GLIPR2: variants seen among roughly 807,000 people sequenced by gnomAD.
GLIPR2 encodes GLI pathogenesis related 2, also known as Golgi-associated plant pathogenesis-related protein 1.
In GLIPR2, 21 loss-of-function variants were observed where a neutral mutation model predicts 20.4. The ratio of observed to expected loss-of-function variants is 1.03; its 90% confidence interval spans 0.73 to 1.48. GLIPR2 has a LOEUF of 1.48. Among genes scored for constraint, GLIPR2 ranks in the 40% most tolerant of loss-of-function variants. The pLI is 0.00. For synonymous variants in GLIPR2, 91 were observed against 80.5 expected (o/e 1.13, Z -0.70); for missense variants, 205 against 200.1 (o/e 1.02, Z -0.15).
At position 36,136,795 on chromosome 9, in the gene GLIPR2, A is replaced by G; in HGVS notation, c.13+4A>G. ...GAGCCGGCCATGGGCAAGTCAGGTG[A>G]GCCCGCGGGCTCGCCCGCTGCGGAA... is the stretch of plus-strand genomic sequence containing the variant. On this transcript the variant is annotated splice_donor_region_variant and intron_variant, in intron 1 of 4. Transcript: ENST00000377960. This position sits in a 1 kb window ranked among gnomAD's most constrained non-coding sequence, Gnocchi z 4.3. 1 of 1,300,490 alleles carries G rather than the reference A, an allele frequency of 7.7e-7. No homozygotes were observed. The highest frequency in any genetic ancestry group is 9.7e-7 in the Non-Finnish European group (1 of 1,027,174). 80.6% of individuals were successfully genotyped at this position (1,300,490 alleles called of 1,614,324 possible).
chr9:36,150,938 C>A lies in GLIPR2; in HGVS notation c.293C>A (p.Thr98Asn). ...KNYNFQQPGFTSGTGHFTAMV... is the reference protein window; with the variant it reads ...KNYNFQQPGFNSGTGHFTAMV... ...TATAACTTCCAGCAGCCTGGCTTCA[C>A]CTCGGGGACTGGTGAGTGGCAGGGT... Residue 98 changes from threonine to asparagine, a missense_variant, in exon 4 of 5, where the codon ACC (threonine) becomes AAC (asparagine). Thr to Asn is a moderately conservative substitution (Grantham distance 65, BLOSUM62 0). Transcript: ENST00000377960. 1 of 1,613,226 alleles carries A rather than the reference C, an allele frequency of 6.2e-7. No individual in the cohort carries two copies. The highest frequency in any genetic ancestry group is 1.1e-5 in the South Asian group (1 of 91,044).
At chr9:36,146,951 C>T (rs1292296214) in intron 1 of GLIPR2, among the ~76,000 whole-genome samples, 2 of 152,146 alleles carry the variant, frequency 1.3e-5, no homozygotes, top group Non-Finnish European at 2.9e-5. Flanking sequence ...AGGCACCGTC[C>T]TAGTGGGGAC....
At position 36,152,234 on chromosome 9, in the gene GLIPR2, G is replaced by T. The variant is rs150632849; in HGVS notation, c.304+1285G>T. On this transcript the variant is annotated intron_variant, in intron 4 of 4. Coordinates refer to ENST00000377960, the MANE Select transcript of GLIPR2 (RefSeq NM_022343.4). Reference sequence around the variant, plus strand: ...TGATTCTGGGGCAAGGATACCTAAGGGTGTGGGGAGGGAGCAGTAACAAGC... The same window carrying T: ...TGATTCTGGGGCAAGGATACCTAAGTGTGTGGGGAGGGAGCAGTAACAAGC... Among the ~76,000 whole-genome samples the T allele has an allele frequency of 2.1e-4, 32 of 152,288 alleles. No homozygotes were observed. The East Asian group carries it at 6.0e-3, about 29-fold the overall frequency.
intron 4 of GLIPR2, chr9:36,162,096 A>C: frequency 1.8e-6 from 1 of 545,014 alleles, no homozygotes; most frequent in Non-Finnish European, 2.9e-6. Context: ...AATCACTCGA[A>C]CCCAGGAGGT....
chr9:36,149,411 C>T (rs918394300), intron 3 of GLIPR2, among the ~76,000 whole-genome samples: 3 of 152,246 alleles, frequency 2.0e-5, no homozygotes, highest in Admixed American at 1.3e-4. Flanking sequence ...TCCTGTGCAA[C>T]GTGGTCCTTG....
At chr9:36,137,525 C>G (rs760055127) in intron 1 of GLIPR2, among the ~76,000 whole-genome samples, 2 of 152,202 alleles carry the variant, frequency 1.3e-5, no homozygotes, top group Non-Finnish European at 2.9e-5. Context: ...CAACTCTCAG[C>G]CTGAAAATCC....
rs1826136576 is a variant in GLIPR2 at position 36,163,207 on chromosome 9, C to T, written c.*685C>T. ...AATAGCAAAGTACCACTACCACCAC[C>T]ACCTCTTGCCCCCTTCCCTCTTTTC... On this transcript the variant is annotated 3_prime_UTR_variant, in exon 5 of 5. Transcript: ENST00000377960. 1 of 247,250 alleles carries T rather than the reference C, an allele frequency of 4.0e-6. No homozygotes were observed. Among genetic ancestry groups the T allele is most frequent in the African/African-American group, 2.4e-5 (1 of 42,386 alleles). The allele number at this position is 247,250 out of a possible 1,614,324, so 15.3% of individuals were successfully genotyped here.
chr9:36,148,027 C>T, intron 2 of GLIPR2, 133 bp downstream of exon 2: 2 of 687,384 alleles, frequency 2.9e-6, no homozygotes, highest in Non-Finnish European at 5.4e-6. Flanking sequence ...GCGGGCGGAT[C>T]ACCTGAGGTC....
Position 36,163,021 on chromosome 9 carries a change from A to G in GLIPR2, c.*499A>G. 1 of 404,166 alleles carries G rather than the reference A, an allele frequency of 2.5e-6. No homozygotes were observed. The highest frequency in any genetic ancestry group is 4.9e-6 in the Non-Finnish European group (1 of 205,592). 25.0% of individuals were successfully genotyped at this position (404,166 alleles called of 1,614,324 possible). A position where few individuals can be genotyped will look rare whatever the true frequency, so the allele number is the denominator to read the frequency against. On this transcript the variant is annotated 3_prime_UTR_variant, in exon 5 of 5. Coordinates refer to ENST00000377960, the MANE Select transcript of GLIPR2 (RefSeq NM_022343.4). ...ACATAAATACAAAGCAGCTTCCATC[A>G]GGAACATGGAGCAGGCAGGGACTCC...
intron 4 of GLIPR2, among the ~76,000 whole-genome samples, chr9:36,158,364 ATTATTTT>A (rs564604372): frequency 1.2e-4 from 19 of 152,162 alleles, no homozygotes; most frequent in Non-Finnish European, 2.2e-4. Context: ...GTTATGTTCT[ATTATTTT>A]TGTTTCTGTT....
intron 1 of GLIPR2, among the ~76,000 whole-genome samples, chr9:36,139,170 C>G (rs1055517849): frequency 6.6e-6 from 1 of 152,004 alleles, no homozygotes; most frequent in African/African-American, 2.4e-5. Flanking sequence ...GAGGCCTGCA[C>G]GATGGGATGA....
chr9:36,138,704 G>A (rs1824937836), intron 1 of GLIPR2, among the ~76,000 whole-genome samples: 1 of 152,172 alleles, frequency 6.6e-6, no homozygotes, highest in Admixed American at 6.6e-5. Flanking sequence ...GATTGTGAAA[G>A]GAATACATAA....
At chr9:36,147,586 A>G (rs1363310077) in intron 1 of GLIPR2, among the ~76,000 whole-genome samples, 200 bp from the exon 2 acceptor site, 1 of 152,202 alleles carries the variant, frequency 6.6e-6, no homozygotes, top group African/African-American at 2.4e-5. Flanking sequence ...AGATGTGCAG[A>G]GATGTGGAGC....
Position 36,162,421 on chromosome 9 carries a change from G to T in GLIPR2, c.364G>T (p.Ala122Ser). 1 of 1,614,092 alleles carries T rather than the reference G, an allele frequency of 6.2e-7. No individual in the cohort carries two copies. Among genetic ancestry groups the T allele is most frequent in the Non-Finnish European group, 8.5e-7 (1 of 1,179,974 alleles). ...TKKMGVGKAS[A>S]SDGSSFVVAR... ...GAAGATGGGCGTGGGGAAGGCGTCC[G>T]CAAGTGACGGGTCCTCCTTTGTGGT... The change falls in exon 5 of 5, where the codon GCA becomes TCA. Residue 122 changes from alanine to serine, a missense_variant. By Grantham distance (99) the Ala-to-Ser change is moderately conservative (BLOSUM62 1). Transcript: ENST00000377960.
At chr9:36,148,856 C>T (rs1287648640) in intron 3 of GLIPR2, among the ~76,000 whole-genome samples, 1 of 152,222 alleles carries the variant, frequency 6.6e-6, no homozygotes, top group Non-Finnish European at 1.5e-5. Flanking sequence ...CAGGCCTGTG[C>T]TGGGTGCCAG....
intron 4 of GLIPR2, 151 bp downstream of exon 4, chr9:36,151,100 G>A: frequency 1.6e-6 from 1 of 641,342 alleles, no homozygotes; most frequent in Admixed American, 2.4e-5. Flanking sequence ...CTTGACCACA[G>A]ACCAAAGCTC....
chr9:36,137,679 G>A (rs1824887681), intron 1 of GLIPR2, among the ~76,000 whole-genome samples: 1 of 152,216 alleles, frequency 6.6e-6, no homozygotes, highest in Admixed American at 6.5e-5. Flanking sequence ...TTTCCCACCG[G>A]GTCCTCACCC....
chr9:36,153,122 C>CAAAAAAAA (rs755775246), intron 4 of GLIPR2, among the ~76,000 whole-genome samples: 1 of 88,438 alleles, frequency 1.1e-5, no homozygotes, highest in Non-Finnish European at 2.3e-5. Flanking sequence ...GACTCTGTCT[C>CAAAAAAAA]AAAAAAAAAA....
intron 4 of GLIPR2, among the ~76,000 whole-genome samples, chr9:36,153,620 G>A (rs572245347): frequency 6.6e-6 from 1 of 152,142 alleles, no homozygotes; most frequent in East Asian, 1.9e-4. Flanking sequence ...ATACCCTTTG[G>A]CCAGGTGCGG....
Sources: allele counts gnomAD v4.1 joint callset (sites outside exome capture counted in the v4.1 genomes callset), GRCh38; gene constraint gnomAD v4.1.1; non-coding constraint Gnocchi (gnomAD v3.1); transcripts MANE v1.5; gene names NCBI Gene and HGNC (gene_info 2026-07-23, HGNC 2026-07-21).